The following CSMD1 variants were observed in gnomAD, a reference collection of about 807,000 sequenced individuals.
CSMD1 encodes the protein CUB and Sushi multiple domains 1.
In CSMD1, 213 loss-of-function variants were observed where a neutral mutation model predicts 417.5. That is an observed-to-expected ratio of 0.51 (90% CI 0.46 to 0.57). CSMD1 has a LOEUF of 0.57. CSMD1 is among the 20% of genes least tolerant of loss of function. The pLI, the probability that CSMD1 is intolerant of heterozygous loss-of-function variation, is 0.00. For missense variants in CSMD1, 6,923 were observed against 4,529.7 expected (o/e 1.53, Z -15.17); for synonymous variants, 2,862 against 1,736.8 (o/e 1.65, Z -16.11).
intron 5 of CSMD1, among the ~76,000 whole-genome samples, chr8:3,800,780 A>C (rs77833884): frequency 6.6e-6 from 1 of 152,062 alleles, no homozygotes; most frequent in Non-Finnish European, 1.5e-5. Context: ...TTCCCTCCTC[A>C]TGTTTGGCTG....
At position 4,152,920 on chromosome 8, in the gene CSMD1, T is replaced by A. The variant is rs139155766; in HGVS notation, c.416-120821A>T. 9.1e-3 allele frequency among the ~76,000 whole-genome samples: 1,390 copies of A among 152,250 alleles called. 10 individuals carry two copies. The highest frequency in any genetic ancestry group is 0.014 in the Non-Finnish European group (971 of 68,008). On this transcript the variant is annotated intron_variant, in intron 3 of 69. Transcript: ENST00000635120. Reference sequence around the variant, plus strand: ...TTTTTCTCAAAAACTTTATGAAAGGTGTATACTCTATCCTCTTCTCAAAAT... The same window carrying A: ...TTTTTCTCAAAAACTTTATGAAAGGAGTATACTCTATCCTCTTCTCAAAAT...
chr8:3,511,045 C>A (rs11777099), intron 10 of CSMD1, among the ~76,000 whole-genome samples: 2 of 151,648 alleles, frequency 1.3e-5, no homozygotes, highest in Admixed American at 1.3e-4. Context: ...GAATACTATG[C>A]AGCAATAAAA....
chr8:3,486,078 C>G (rs1250158972), intron 11 of CSMD1, among the ~76,000 whole-genome samples: 3 of 152,210 alleles, frequency 2.0e-5, no homozygotes, highest in South Asian at 2.1e-4. Flanking sequence ...ACAATTTTGT[C>G]AAGAAACAAT....
At chr8:4,616,339 G>C (rs1344791627) in intron 2 of CSMD1, among the ~76,000 whole-genome samples, 1 of 152,162 alleles carries the variant, frequency 6.6e-6, no homozygotes, top group Non-Finnish European at 1.5e-5. Context: ...CCACCTACCT[G>C]AGTCCTTCTC....
chr8:3,215,232 G>C (rs898554445), intron 29 of CSMD1, among the ~76,000 whole-genome samples: 1 of 152,174 alleles, frequency 6.6e-6, no homozygotes, highest in Non-Finnish European at 1.5e-5. Flanking sequence ...ATGGATGCTT[G>C]TTCTCATTCT....
At chr8:3,963,113 G>C (rs772053449) in intron 5 of CSMD1, among the ~76,000 whole-genome samples, 53 of 152,042 alleles carry the variant, frequency 3.5e-4, no homozygotes, top group Admixed American at 5.2e-4. Context: ...GTGTTTTTTA[G>C]TAGAGACGGG....
At chr8:3,800,616 G>C (rs1800402588) in intron 5 of CSMD1, among the ~76,000 whole-genome samples, 1 of 152,092 alleles carries the variant, frequency 6.6e-6, no homozygotes, top group Non-Finnish European at 1.5e-5. Context: ...GTCAGTGTTG[G>C]GCCTAGAAGA....
intron 2 of CSMD1, among the ~76,000 whole-genome samples, chr8:4,558,237 A>G (rs1798180452): frequency 6.6e-6 from 1 of 152,190 alleles, no homozygotes; most frequent in Admixed American, 6.5e-5. Flanking sequence ...GTCAGTAAAG[A>G]TAAGAAAGCC....
chr8:3,165,566 G>C (rs1820154652), intron 37 of CSMD1, among the ~76,000 whole-genome samples: 1 of 151,888 alleles, frequency 6.6e-6, no homozygotes, highest in East Asian at 1.9e-4. Flanking sequence ...TGAGTAGCTG[G>C]GACTACAGGT....
At chr8:3,211,085 C>T (rs922731618) in intron 30 of CSMD1, among the ~76,000 whole-genome samples, 1 of 152,116 alleles carries the variant, frequency 6.6e-6, no homozygotes, top group African/African-American at 2.4e-5. Context: ...TGCCCTGTTG[C>T]CCAGGCTGGA....
intron 1 of CSMD1, among the ~76,000 whole-genome samples, chr8:4,891,079 G>A (rs888910479): frequency 3.3e-5 from 5 of 152,248 alleles, no homozygotes; most frequent in Middle Eastern, 3.4e-3. Context: ...AGAATAATGG[G>A]CCATTTTCCA....
At chr8:4,937,357 C>A (rs1807690729) in intron 1 of CSMD1, among the ~76,000 whole-genome samples, 2 of 152,148 alleles carry the variant, frequency 1.3e-5, no homozygotes, top group South Asian at 2.1e-4. Context: ...TGAAAGCACA[C>A]CTGCTGGGAC....
At chr8:4,039,155 A>G (rs995709904) in intron 3 of CSMD1, among the ~76,000 whole-genome samples, 1 of 152,320 alleles carries the variant, frequency 6.6e-6, no homozygotes, top group South Asian at 2.1e-4. Flanking sequence ...GCATGTGTAC[A>G]ATCAGTGGAA....
At chr8:4,388,855 A>C (rs533287294) in intron 3 of CSMD1, among the ~76,000 whole-genome samples, 60 of 152,232 alleles carry the variant, frequency 3.9e-4, no homozygotes, top group Non-Finnish European at 8.1e-4. Flanking sequence ...AAAACCATTT[A>C]AAACTTTGAA....
intron 54 of CSMD1, among the ~76,000 whole-genome samples, chr8:2,980,287 A>C (rs994666520): frequency 2.6e-5 from 4 of 151,924 alleles, no homozygotes; most frequent in African/African-American, 7.3e-5. Context: ...CGGGATGCCA[A>C]AGGCCAGATT....
At chr8:3,733,950 G>T (rs1053907118) in intron 6 of CSMD1, among the ~76,000 whole-genome samples, 1 of 152,068 alleles carries the variant, frequency 6.6e-6, no homozygotes, top group African/African-American at 2.4e-5. Context: ...ATCCACTGGG[G>T]TCCTGAAACT....
intron 38 of CSMD1, among the ~76,000 whole-genome samples, chr8:3,158,461 G>A (rs959687316): frequency 1.4e-4 from 21 of 152,098 alleles, no homozygotes; most frequent in African/African-American, 4.3e-4. Flanking sequence ...CAAAGCACTG[G>A]GTCGTTTCTT....
chr8:4,392,074 C>A (rs986246691), intron 3 of CSMD1, among the ~76,000 whole-genome samples: 5 of 152,170 alleles, frequency 3.3e-5, no homozygotes, highest in Non-Finnish European at 5.9e-5. Context: ...CACCATGGGT[C>A]TGCAGCTGCA....
intron 2 of CSMD1, among the ~76,000 whole-genome samples, chr8:4,457,930 C>G (rs1264055557): frequency 6.6e-6 from 1 of 152,138 alleles, no homozygotes; most frequent in Non-Finnish European, 1.5e-5. Context: ...GGGGCAGAGT[C>G]TATGTATGTC....
Sources: gnomAD v4.1 joint callset for allele counts (sites outside exome capture counted in the v4.1 genomes callset) on GRCh38, gnomAD v4.1.1 for gene constraint, MANE v1.5 for transcripts, NCBI Gene and HGNC (gene_info 2026-07-23, HGNC 2026-07-21) for gene names.